Variants in SSH2 observed in about 807,000 individuals in gnomAD.
SSH2 encodes protein phosphatase Slingshot homolog 2.
In SSH2, 37 loss-of-function variants were observed where a neutral mutation model predicts 135.2. The observed-to-expected ratio is 0.27, with a 90% CI of 0.21 to 0.36. The LOEUF is 0.36. Ranked by LOEUF, SSH2 falls within the 10% of genes least tolerant of loss-of-function variation. SSH2 has a pLI of 1.00. For synonymous variants in SSH2, 628 were observed against 646.2 expected (o/e 0.97, Z 0.43); for missense variants, 1,408 against 1,765.3 (o/e 0.80, Z 3.63).
At chr17:29,903,354 GT>G (rs2066596295) in intron 1 of SSH2, among the ~76,000 whole-genome samples, 2 of 149,454 alleles carry the variant, frequency 1.3e-5, no homozygotes, top group Non-Finnish European at 3.0e-5. Flanking sequence ...ATTTTTAAAA[GT>G]GTTCCCTTCA....
chr17:29,920,870 T>C (rs1394057314), intron 1 of SSH2, among the ~76,000 whole-genome samples: 1 of 151,674 alleles, frequency 6.6e-6, no homozygotes, highest in Admixed American at 6.6e-5. Context: ...ATGAATGAAA[T>C]AAACAAAACA....
Position 29,659,441 on chromosome 17 carries a change from G to A in SSH2, c.1033-3834C>T, listed in dbSNP as rs9889821. ...GTTTCAATTTGCATTTCTCTTAGAAGTAAAAGTGAGCAACTTTTCATTGTT... is the reference window on the plus strand; with the variant it reads ...GTTTCAATTTGCATTTCTCTTAGAAATAAAAGTGAGCAACTTTTCATTGTT... On this transcript the variant is annotated intron_variant, in intron 11 of 15. Coordinates refer to ENST00000540801, the MANE Select transcript of SSH2 (RefSeq NM_001282129.2). 6.6e-3 allele frequency among the ~76,000 whole-genome samples: 1,001 copies of A among 152,308 alleles called. 6 individuals are homozygous for A. The highest frequency in any genetic ancestry group is 0.023 in the African/African-American group (959 of 41,578).
At chr17:29,771,095 G>T (rs757739151) in intron 3 of SSH2, among the ~76,000 whole-genome samples, 30 of 152,186 alleles carry the variant, frequency 2.0e-4, no homozygotes, top group Non-Finnish European at 3.8e-4. Flanking sequence ...TAAGTCCAGT[G>T]ATCAATTCCT....
chr17:29,792,917 G>A (rs925078186), intron 3 of SSH2, among the ~76,000 whole-genome samples: 2 of 151,990 alleles, frequency 1.3e-5, no homozygotes, highest in Non-Finnish European at 2.9e-5. Flanking sequence ...CTCGTGATCC[G>A]CCTGCCTCGG....
At chr17:29,699,593 G>A (rs2038898372) in intron 4 of SSH2, among the ~76,000 whole-genome samples, 1 of 152,160 alleles carries the variant, frequency 6.6e-6, no homozygotes, top group Admixed American at 6.5e-5. Flanking sequence ...AACCTGGGTG[G>A]CAGCTGAGTG....
chr17:29,783,337 T>TAC (rs906480210), intron 3 of SSH2, among the ~76,000 whole-genome samples: 46 of 146,824 alleles, frequency 3.1e-4, no homozygotes, highest in Non-Finnish European at 5.8e-4. Flanking sequence ...TATATATATA[T>TAC]GTAAAGGAGA....
At chr17:29,731,236 T>C (rs2040180415) in intron 3 of SSH2, among the ~76,000 whole-genome samples, 1 of 152,156 alleles carries the variant, frequency 6.6e-6, no homozygotes, top group African/African-American at 2.4e-5. Flanking sequence ...AATTATATAA[T>C]ATGTGGTGAG....
At chr17:29,655,720 T>C in intron 11 of SSH2, 113 bp from the exon 12 acceptor site, 2 of 909,878 alleles carry the variant, frequency 2.2e-6, no homozygotes, top group South Asian at 2.8e-5. Context: ...CATCTACCAG[T>C]GCCCTTTAAG....
Position 29,891,411 on chromosome 17 carries a change from G to C in SSH2, c.63+38527C>G, listed in dbSNP as rs2066347587. Among the ~76,000 whole-genome samples the C allele has an allele frequency of 4.6e-5, 7 of 151,910 alleles. No individual in the cohort carries two copies. In the South Asian group the frequency reaches 1.4e-3, roughly 31 times the overall value. On this transcript the variant is annotated intron_variant, in intron 1 of 15. Coordinates refer to ENST00000540801, the MANE Select transcript of SSH2 (RefSeq NM_001282129.2). ...ACTGTTATCTAGACAAAACCCATCAGATTTAGCCTTCACTTCTAAATAAAT... is the reference window on the plus strand; with the variant it reads ...ACTGTTATCTAGACAAAACCCATCACATTTAGCCTTCACTTCTAAATAAAT...
chr17:29,808,486 G>T (rs2042386673), intron 2 of SSH2, among the ~76,000 whole-genome samples: 1 of 152,196 alleles, frequency 6.6e-6, no homozygotes, highest in South Asian at 2.1e-4. Context: ...TGGGAGTCTG[G>T]CTCAGCTGAC....
intron 3 of SSH2, among the ~76,000 whole-genome samples, chr17:29,788,929 G>C (rs934070449): frequency 6.6e-6 from 1 of 152,188 alleles, no homozygotes; most frequent in Non-Finnish European, 1.5e-5. Flanking sequence ...AAAGAACCAC[G>C]AACAGAATAT....
At chr17:29,908,649 A>G (rs943607065) in intron 1 of SSH2, among the ~76,000 whole-genome samples, 1 of 150,712 alleles carries the variant, frequency 6.6e-6, no homozygotes, top group Non-Finnish European at 1.5e-5. Flanking sequence ...CTGTAATCCC[A>G]GTTACTCGGG....
At chr17:29,882,104 C>G (rs1459251376) in intron 1 of SSH2, among the ~76,000 whole-genome samples, 2 of 152,182 alleles carry the variant, frequency 1.3e-5, no homozygotes, top group Non-Finnish European at 2.9e-5. Context: ...TGCCAGTCTT[C>G]TAAAATGAGA....
At chr17:29,680,071 A>G (rs189901497) in intron 6 of SSH2, among the ~76,000 whole-genome samples, 59 of 152,348 alleles carry the variant, frequency 3.9e-4, no homozygotes, top group African/African-American at 1.4e-3. Context: ...ACTGTCCTGT[A>G]AAACAAATGT....
intron 3 of SSH2, among the ~76,000 whole-genome samples, chr17:29,713,084 C>A (rs893474884): frequency 1.4e-4 from 22 of 152,328 alleles, no homozygotes; most frequent in African/African-American, 4.1e-4. Context: ...GCCTGTAATT[C>A]CAGCACTTTG....
chr17:29,889,549 T>A (rs1461659841), intron 1 of SSH2, among the ~76,000 whole-genome samples: 1 of 151,868 alleles, frequency 6.6e-6, no homozygotes, highest in African/African-American at 2.4e-5. Context: ...ACCAAAAGCA[T>A]GAACAACAAC....
intron 3 of SSH2, among the ~76,000 whole-genome samples, chr17:29,759,024 A>G (rs2041211307): frequency 6.6e-6 from 1 of 151,638 alleles, no homozygotes; most frequent in Non-Finnish European, 1.5e-5. Context: ...GATTACAGAT[A>G]TAAGCCACTG....
intron 3 of SSH2, chr17:29,775,857 C>G (rs1194860385): frequency 6.6e-6 from 1 of 152,214 alleles, no homozygotes; most frequent in Non-Finnish European, 1.5e-5. Context: ...TTCAAATACT[C>G]TGTGTTCCAG....
intron 1 of SSH2, chr17:29,928,638 A>T (rs753723218): frequency 3.3e-5 from 13 of 398,292 alleles, no homozygotes; most frequent in Admixed American, 4.4e-5. Context: ...ATTAAGATAT[A>T]GTTGTCAATT....
Sources: gnomAD v4.1 joint callset for allele counts (sites outside exome capture counted in the v4.1 genomes callset) on GRCh38, gnomAD v4.1.1 for gene constraint, MANE v1.5 for transcripts, NCBI Gene and HGNC (gene_info 2026-07-23, HGNC 2026-07-21) for gene names.